The following GABRG3 variants were observed in gnomAD, a reference collection of about 807,000 sequenced individuals.
The protein encoded by GABRG3 is gamma-aminobutyric acid type A receptor subunit gamma3, also known as gamma-aminobutyric acid receptor subunit gamma-3.
GABRG3 carries 25 observed loss-of-function variants against 48.8 expected under a neutral mutation model. The ratio of observed to expected loss-of-function variants is 0.51; its 90% CI spans 0.37 to 0.72. The LOEUF (loss-of-function observed/expected upper bound fraction) is 0.72, where lower values mean the gene tolerates loss of function less well. GABRG3 is among the 30% of genes least tolerant of loss of function. The probability of loss-of-function intolerance (pLI) is 0.00; values close to 1 mark genes in which losing one functional copy is unlikely to be tolerated. For missense variants in GABRG3, 394 were observed against 577.9 expected, an observed-to-expected ratio of 0.68 and a Z score of 3.26; for synonymous variants, 227 against 217.6, an observed-to-expected ratio of 1.04 and a Z score of -0.38.
At chr15:27,207,224 C>T (rs1888883704) in intron 3 of GABRG3, among the ~76,000 whole-genome samples, 1 of 152,180 alleles carries the variant, frequency 6.6e-6, no homozygotes, top group African/African-American at 2.4e-5. Context: ...GGCTCACCAA[C>T]ACTGTAATTC....
intron 2 of GABRG3, among the ~76,000 whole-genome samples, chr15:26,991,185 G>A (rs1033345278): frequency 7.9e-5 from 12 of 152,148 alleles, no homozygotes; most frequent in Non-Finnish European, 1.8e-4. Flanking sequence ...TTTCCCACCA[G>A]TGTCTTATAT....
At chr15:27,247,456 T>C in intron 3 of GABRG3, among the ~76,000 whole-genome samples, 1 of 152,080 alleles carries the variant, frequency 6.6e-6, no homozygotes, top group East Asian at 1.9e-4. Flanking sequence ...CACACTGTCC[T>C]CTGTAACATT....
intron 3 of GABRG3, among the ~76,000 whole-genome samples, chr15:27,306,722 T>G (rs1030980793): frequency 1.0e-4 from 13 of 129,416 alleles, no homozygotes; most frequent in Non-Finnish European, 3.1e-5. Flanking sequence ...AATATAAACA[T>G]GTTTATATAT....
At chr15:27,251,440 G>A (rs532998783) in intron 3 of GABRG3, among the ~76,000 whole-genome samples, 1 of 152,118 alleles carries the variant, frequency 6.6e-6, no homozygotes, top group African/African-American at 2.4e-5. Flanking sequence ...GGACAGTGTA[G>A]AATACATGGA....
At chr15:27,449,171 A>G (rs1889033940) in intron 5 of GABRG3, among the ~76,000 whole-genome samples, 1 of 152,216 alleles carries the variant, frequency 6.6e-6, no homozygotes, top group Admixed American at 6.5e-5. Flanking sequence ...GAAGGAAAGG[A>G]GTGTTCTGGG....
chr15:27,323,501 T>C (rs74950169), intron 3 of GABRG3, among the ~76,000 whole-genome samples: 4,940 of 152,276 alleles, frequency 0.032, 108 homozygotes, highest in Middle Eastern at 0.051. Flanking sequence ...TGTGCCTCCC[T>C]GACCATTCTC....
chr15:27,197,649 A>G (rs1888538740), intron 3 of GABRG3, among the ~76,000 whole-genome samples: 1 of 152,036 alleles, frequency 6.6e-6, no homozygotes, highest in Non-Finnish European at 1.5e-5. Flanking sequence ...AGAATTAAGG[A>G]TAAATATTGC....
At chr15:27,133,952 T>C (rs541000093) in intron 3 of GABRG3, among the ~76,000 whole-genome samples, 1 of 152,370 alleles carries the variant, frequency 6.6e-6, no homozygotes, top group South Asian at 2.1e-4. Flanking sequence ...TTTTGAATTT[T>C]ATAATTGCAG....
At chr15:27,132,603 T>G (rs1457443022) in intron 3 of GABRG3, among the ~76,000 whole-genome samples, 1 of 151,098 alleles carries the variant, frequency 6.6e-6, no homozygotes, top group Non-Finnish European at 1.5e-5. Context: ...GTGCATTTTT[T>G]TTAGTATTTT....
intron 3 of GABRG3, among the ~76,000 whole-genome samples, chr15:27,092,588 G>A (rs1184078162): frequency 7.9e-5 from 12 of 152,182 alleles, no homozygotes; most frequent in Admixed American, 7.9e-4. Context: ...TGCCCCGTCC[G>A]TGTGAGCTGC....
chr15:26,999,795 T>G (rs556967269), intron 2 of GABRG3, among the ~76,000 whole-genome samples: 71 of 152,300 alleles, frequency 4.7e-4, no homozygotes, highest in African/African-American at 1.7e-3. Flanking sequence ...TGATGCTCTT[T>G]CCTTTAAATA....
intron 3 of GABRG3, among the ~76,000 whole-genome samples, chr15:27,308,310 A>G (rs888260368): frequency 2.3e-5 from 3 of 129,414 alleles, no homozygotes; most frequent in Non-Finnish European, 4.8e-5. Flanking sequence ...TCATATAAAC[A>G]TATATAAACA....
chr15:27,154,578 G>A (rs1898383589), intron 3 of GABRG3, among the ~76,000 whole-genome samples: 1 of 152,140 alleles, frequency 6.6e-6, no homozygotes, highest in Non-Finnish European at 1.5e-5. Context: ...TCTGCATTGT[G>A]ACTTATCCAA....
chr15:27,043,606 CCCT>C (rs1199177225), intron 3 of GABRG3, among the ~76,000 whole-genome samples: 2 of 152,188 alleles, frequency 1.3e-5, no homozygotes, highest in African/African-American at 2.4e-5. Flanking sequence ...CCGCAGAGCC[CCCT>C]CCTCTGCTCA....
intron 5 of GABRG3, among the ~76,000 whole-genome samples, chr15:27,478,817 T>C (rs915903620): frequency 3.3e-5 from 5 of 152,196 alleles, no homozygotes; most frequent in Admixed American, 3.3e-4. Flanking sequence ...TGGCAATAAA[T>C]GAGAATGGAG....
At chr15:27,327,072 G>C (rs1360149805) in intron 4 of GABRG3, 43 bp downstream of exon 4, 4 of 1,516,042 alleles carry the variant, frequency 2.6e-6, no homozygotes, top group African/African-American at 1.4e-5. Context: ...GGTTTAAAAT[G>C]GGATCCTTAA....
intron 3 of GABRG3, among the ~76,000 whole-genome samples, chr15:27,286,357 CG>C (rs1217872786): frequency 6.6e-6 from 1 of 152,190 alleles, no homozygotes; most frequent in Non-Finnish European, 1.5e-5. Context: ...TCTTTTTCCA[CG>C]GCTGACTCCT....
chr15:27,019,076 TTTTTTTTTTTG>T (rs1895835344), intron 2 of GABRG3, among the ~76,000 whole-genome samples: 1 of 133,274 alleles, frequency 7.5e-6, no homozygotes, highest in South Asian at 2.8e-4. Context: ...TTTTTTTTTT[TTTTTTTTTTTG>T]AGATGGAGTC....
intron 6 of GABRG3, among the ~76,000 whole-genome samples, chr15:27,501,096 C>T (rs59105068): frequency 0.046 from 7,031 of 151,818 alleles, 543 homozygotes; most frequent in African/African-American, 0.16. Flanking sequence ...GGACTACAGG[C>T]GCCCGCCACC....
Sources: allele counts gnomAD v4.1 joint callset (sites outside exome capture counted in the v4.1 genomes callset), GRCh38; gene constraint gnomAD v4.1.1; transcripts MANE v1.5; gene names NCBI Gene and HGNC (gene_info 2026-07-23, HGNC 2026-07-21).